MED27: variants seen among roughly 807,000 people sequenced by gnomAD.
MED27 encodes the protein mediator of RNA polymerase II transcription subunit 27.
MED27 carries 30 observed loss-of-function variants against 38.2 expected under a neutral mutation model. The observed-to-expected ratio is 0.79, with a 90% CI of 0.59 to 1.07. MED27 has a LOEUF of 1.07. Ranked by LOEUF, MED27 falls within the 50% of genes least tolerant of loss-of-function variation. The pLI is 0.00. For missense variants in MED27, 289 were observed against 397.5 expected (o/e 0.73, Z 2.32); for synonymous variants, 122 against 153.5 (o/e 0.79, Z 1.52).
chr9:131,904,331 G>A (rs942302880), intron 4 of MED27, among the ~76,000 whole-genome samples: 10 of 148,914 alleles, frequency 6.7e-5, no homozygotes, highest in African/African-American at 1.5e-4. Flanking sequence ...GAGCCACTGC[G>A]GCCAGTCTGT....
intron 3 of MED27, among the ~76,000 whole-genome samples, chr9:131,968,542 C>T (rs1831407218): frequency 6.6e-6 from 1 of 150,978 alleles, no homozygotes. Context: ...CTTTTACTGA[C>T]AGTAGAAACC....
At chr9:131,912,025 G>A (rs974981855) in intron 4 of MED27, among the ~76,000 whole-genome samples, 1 of 152,190 alleles carries the variant, frequency 6.6e-6, no homozygotes, top group African/African-American at 2.4e-5. Flanking sequence ...GCAAGGGCCT[G>A]AAAAGTCCAG....
At chr9:131,984,199 G>T (rs538609019) in intron 3 of MED27, among the ~76,000 whole-genome samples, 1 of 152,086 alleles carries the variant, frequency 6.6e-6, no homozygotes, top group African/African-American at 2.4e-5. Context: ...CCTCCCACAG[G>T]CCCAGCTCTC....
intron 2 of MED27, 96 bp from the exon 3 acceptor site, chr9:132,014,563 C>A: frequency 8.0e-7 from 1 of 1,257,306 alleles, no homozygotes; most frequent in Non-Finnish European, 1.1e-6. Context: ...AATCTTATCC[C>A]CTTAGAACAT....
chr9:131,863,951 C>T (rs924599997), intron 6 of MED27, among the ~76,000 whole-genome samples: 17 of 152,302 alleles, frequency 1.1e-4, no homozygotes, highest in African/African-American at 3.8e-4. Context: ...TCCAGCACCA[C>T]CCCCTGACCT....
At chr9:131,945,440 G>T (rs1318557961) in intron 3 of MED27, among the ~76,000 whole-genome samples, 3 of 152,026 alleles carry the variant, frequency 2.0e-5, no homozygotes, top group Non-Finnish European at 2.9e-5. Flanking sequence ...TGTGTGTGTG[G>T]TAAGAACACC....
At chr9:132,020,888 T>C (rs567176113) in intron 2 of MED27, among the ~76,000 whole-genome samples, 1 of 152,214 alleles carries the variant, frequency 6.6e-6, no homozygotes, top group Non-Finnish European at 1.5e-5. Context: ...TGAGCTTTTA[T>C]GGGTAAATAA....
chr9:132,042,958 C>T (rs1453399376), intron 2 of MED27, among the ~76,000 whole-genome samples: 4 of 152,120 alleles, frequency 2.6e-5, no homozygotes, highest in Admixed American at 2.6e-4. Flanking sequence ...ACACAGATAT[C>T]CCATAGACCA....
At chr9:132,067,208 T>G (rs769250960) in intron 2 of MED27, among the ~76,000 whole-genome samples, 1 of 152,234 alleles carries the variant, frequency 6.6e-6, no homozygotes, top group Non-Finnish European at 1.5e-5. Context: ...AGTTAGATGC[T>G]TAGAACAGCC....
intron 3 of MED27, among the ~76,000 whole-genome samples, chr9:132,011,050 G>A (rs971467578): frequency 4.6e-5 from 7 of 152,030 alleles, no homozygotes; most frequent in Admixed American, 1.3e-4. Context: ...TTTGTAATAA[G>A]GAGTCTTCTA....
At chr9:131,865,584 GA>G (rs1838724006) in intron 6 of MED27, among the ~76,000 whole-genome samples, 1 of 152,126 alleles carries the variant, frequency 6.6e-6, no homozygotes, top group South Asian at 2.1e-4. Flanking sequence ...GCCCCTGTTG[GA>G]ATAGCCGAGG....
intron 6 of MED27, among the ~76,000 whole-genome samples, 173 bp from the exon 7 acceptor site, chr9:131,863,313 A>T (rs1047566805): frequency 1.3e-5 from 2 of 152,148 alleles, no homozygotes; most frequent in Non-Finnish European, 2.9e-5. Context: ...GGGGACCCAG[A>T]GGGGGAGAAG....
chr9:131,986,813 T>C (rs1172498494), intron 3 of MED27, among the ~76,000 whole-genome samples: 1 of 152,188 alleles, frequency 6.6e-6, no homozygotes, highest in Non-Finnish European at 1.5e-5. Flanking sequence ...TCACCATTTC[T>C]CATCAGAATG....
At chr9:131,896,557 T>C (rs1305599417) in intron 4 of MED27, among the ~76,000 whole-genome samples, 14 of 152,140 alleles carry the variant, frequency 9.2e-5, no homozygotes, top group South Asian at 2.1e-4. Context: ...ATGTTTATTA[T>C]GGAAAAATCT....
intron 2 of MED27, among the ~76,000 whole-genome samples, chr9:132,076,812 T>C (rs762874389): frequency 2.6e-5 from 4 of 152,138 alleles, no homozygotes; most frequent in Non-Finnish European, 4.4e-5. Context: ...ATGAGCCTAA[T>C]TGTTTCTGTT....
intron 4 of MED27, among the ~76,000 whole-genome samples, chr9:131,931,878 G>A (rs190088623): frequency 6.6e-6 from 1 of 152,226 alleles, no homozygotes; most frequent in Non-Finnish European, 1.5e-5. Flanking sequence ...TAGAGCTAAG[G>A]AGAGAGACAG....
At chr9:131,871,914 C>T (rs1339399231) in intron 6 of MED27, among the ~76,000 whole-genome samples, 2 of 152,270 alleles carry the variant, frequency 1.3e-5, no homozygotes, top group East Asian at 3.9e-4. Flanking sequence ...TGGAAACTTA[C>T]AGTTCCTGCC....
At chr9:131,948,401 C>T (rs1300533294) in intron 3 of MED27, among the ~76,000 whole-genome samples, 3 of 151,704 alleles carry the variant, frequency 2.0e-5, no homozygotes, top group Non-Finnish European at 2.9e-5. Context: ...GCACAAGAAT[C>T]GCTTGAACCC....
At position 132,077,604 on chromosome 9, in the gene MED27, A is replaced by T. The variant is rs1378218643; in HGVS notation, c.204-18T>A. 1 of 1,613,778 alleles carries T rather than the reference A, an allele frequency of 6.2e-7. No individual in the cohort carries two copies. Among genetic ancestry groups the T allele is most frequent in the Non-Finnish European group, 8.5e-7 (1 of 1,179,906 alleles). On this transcript the variant is annotated intron_variant, in intron 1 of 7. Coordinates refer to ENST00000292035, the MANE Select transcript of MED27 (RefSeq NM_004269.4). ...CCAGCTCACTGAAAAGCAAAGAGAC[A>T]AGGCAAATAAACCTAAGCCCATTTA...
Sources: allele counts gnomAD v4.1 joint callset (sites outside exome capture counted in the v4.1 genomes callset), GRCh38; gene constraint gnomAD v4.1.1; transcripts MANE v1.5; gene names NCBI Gene and HGNC (gene_info 2026-07-23, HGNC 2026-07-21).